Variants in NEO1 observed in about 807,000 individuals in gnomAD.
NEO1 encodes neogenin.
NEO1 carries 63 observed loss-of-function variants against 159.7 expected under a neutral mutation model. The ratio of observed to expected loss-of-function variants is 0.39; its 90% confidence interval spans 0.32 to 0.49. The LOEUF (loss-of-function observed/expected upper bound fraction) is 0.49. Among genes scored for constraint, NEO1 ranks in the 20% least tolerant of loss-of-function variants. NEO1 has a pLI of 0.85. For synonymous variants in NEO1, 633 were observed against 662.0 expected, an observed-to-expected ratio of 0.96 and a Z score of 0.67; for missense variants, 1,615 against 1,831.0, an observed-to-expected ratio of 0.88 and a Z score of 2.15.
At chr15:73,068,061 C>T (rs1252705903) in intron 1 of NEO1, among the ~76,000 whole-genome samples, 2 of 152,098 alleles carry the variant, frequency 1.3e-5, no homozygotes, top group Non-Finnish European at 2.9e-5. Flanking sequence ...GATCTACATT[C>T]CTATATCATT....
Position 73,109,300 on chromosome 15 carries a change from A to T in NEO1, c.131-7240A>T, listed in dbSNP as rs2151563563. On this transcript the variant is annotated intron_variant, in intron 1 of 28. Transcript: ENST00000261908. ...CCAAGCAGTGAGGAATTTTATACAA[A>T]TTCTCTCTCATCTTCACAGAAATTT... Among the ~76,000 whole-genome samples, 2 of 152,300 alleles carry T rather than the reference A, an allele frequency of 1.3e-5. 1 individual carries two copies. Among genetic ancestry groups the T allele is most frequent in the South Asian group, 4.1e-4 (2 of 4,826 alleles).
chr15:73,149,909 G>A (rs2033237107), intron 5 of NEO1, among the ~76,000 whole-genome samples: 1 of 152,034 alleles, frequency 6.6e-6, no homozygotes. Context: ...GTATGTTATT[G>A]TTAATTATAG....
At chr15:73,301,615 C>A in intron 28 of NEO1, 158 bp downstream of exon 28, 1 of 977,848 alleles carries the variant, frequency 1.0e-6, no homozygotes, top group Non-Finnish European at 1.5e-6. Flanking sequence ...TGTTGAGCAT[C>A]TCTTCTGAGC....
At chr15:73,240,802 A>G (rs976905155) in intron 8 of NEO1, among the ~76,000 whole-genome samples, 1 of 152,242 alleles carries the variant, frequency 6.6e-6, no homozygotes, top group Non-Finnish European at 1.5e-5. Context: ...GGAGACCATA[A>G]TAGTTTTTTG....
intron 1 of NEO1, among the ~76,000 whole-genome samples, chr15:73,080,904 GT>G (rs1359031121): frequency 6.6e-6 from 1 of 152,026 alleles, no homozygotes; most frequent in African/African-American, 2.4e-5. Flanking sequence ...TGCAAATAGC[GT>G]TTTCAATAGC....
At chr15:73,242,318 T>C (rs1190264115) in intron 8 of NEO1, among the ~76,000 whole-genome samples, 2 of 152,220 alleles carry the variant, frequency 1.3e-5, no homozygotes, top group African/African-American at 4.8e-5. Context: ...TTATGTTATA[T>C]GTATTATATA....
intron 7 of NEO1, among the ~76,000 whole-genome samples, chr15:73,234,982 A>T (rs745432504): frequency 6.6e-6 from 1 of 152,214 alleles, no homozygotes; most frequent in Non-Finnish European, 1.5e-5. Context: ...TGCTGTAAGG[A>T]TTGAATGATC....
intron 9 of NEO1, among the ~76,000 whole-genome samples, chr15:73,245,038 A>G (rs1426219838): frequency 6.7e-6 from 1 of 148,834 alleles, no homozygotes; most frequent in Non-Finnish European, 1.5e-5. Context: ...CTACGTGTTC[A>G]TATTTTACTG....
Position 73,260,278 on chromosome 15 carries a change from T to C in NEO1, c.2211T>C (p.Arg737=). The C allele has an allele frequency of 6.2e-7, 1 of 1,611,684 alleles. No homozygotes were observed. Among genetic ancestry groups the C allele is most frequent in the African/African-American group, 1.3e-5 (1 of 75,018 alleles). ...ETFESDLDET[R]VPEVPSSLHV... ...TCCACTTTTCCTTCCCAGAAACTCGTGTTCCTGAAGTGCCTAGCTCTCTTC... is the reference window on the plus strand; with the variant it reads ...TCCACTTTTCCTTCCCAGAAACTCGCGTTCCTGAAGTGCCTAGCTCTCTTC... The change falls in exon 15 of 29, where the codon CGT becomes CGC. Residue 737 remains arginine (R), a synonymous_variant. Transcript: ENST00000261908.
chr15:73,118,831 G>C (rs1260666248), intron 2 of NEO1, among the ~76,000 whole-genome samples: 1 of 152,140 alleles, frequency 6.6e-6, no homozygotes, highest in Admixed American at 6.5e-5. Flanking sequence ...ACATTGTCTA[G>C]ATATACATAC....
At chr15:73,130,500 G>A (rs1052288250) in intron 4 of NEO1, among the ~76,000 whole-genome samples, 2 of 152,174 alleles carry the variant, frequency 1.3e-5, no homozygotes, top group Non-Finnish European at 2.9e-5. Flanking sequence ...CTGTTAGACT[G>A]TACTTTCTCC....
chr15:73,130,016 GAC>G lies in NEO1; in HGVS notation c.878+3448_878+3449del, dbSNP rs1459920755. ...GTTAGTTCTTTTTTTTCTTTCTTGA[GAC>G]AGAGTCTCGCTCTGTTACCCAGGCT... On this transcript the variant is annotated intron_variant, in intron 4 of 28. Coordinates refer to ENST00000261908, the MANE Select transcript of NEO1 (RefSeq NM_002499.4). Among the ~76,000 whole-genome samples the G allele has an allele frequency of 3.9e-5, 6 of 152,268 alleles. No individual in the cohort carries two copies. The South Asian group carries it at 1.0e-3, about 26-fold the overall frequency.
intron 8 of NEO1, among the ~76,000 whole-genome samples, chr15:73,240,690 T>C (rs573754109): frequency 1.3e-4 from 20 of 152,320 alleles, no homozygotes; most frequent in Non-Finnish European, 2.5e-4. Context: ...GTAGTAATTA[T>C]GTTAGCCTAG....
chr15:73,124,464 T>A (rs752726401), intron 3 of NEO1, among the ~76,000 whole-genome samples: 1 of 152,190 alleles, frequency 6.6e-6, no homozygotes, highest in Non-Finnish European at 1.5e-5. Flanking sequence ...AGATTTATAA[T>A]CTTAATACCA....
chr15:73,146,644 T>C (rs1227371824), intron 5 of NEO1, among the ~76,000 whole-genome samples: 2 of 152,230 alleles, frequency 1.3e-5, no homozygotes, highest in Admixed American at 1.3e-4. Context: ...TGAACCACAG[T>C]AGCCTCATTT....
chr15:73,183,135 A>G (rs1207516463), intron 7 of NEO1, among the ~76,000 whole-genome samples: 1 of 152,122 alleles, frequency 6.6e-6, no homozygotes, highest in East Asian at 1.9e-4. Flanking sequence ...AGAGGAGGCA[A>G]AAGCAGGAGA....
intron 7 of NEO1, among the ~76,000 whole-genome samples, chr15:73,227,365 G>T (rs978758718): frequency 6.6e-6 from 1 of 152,086 alleles, no homozygotes; most frequent in Admixed American, 6.5e-5. Flanking sequence ...GTATGGTGGC[G>T]CATGCCTATA....
chr15:73,113,514 C>T (rs978579924), intron 1 of NEO1, among the ~76,000 whole-genome samples: 8 of 152,162 alleles, frequency 5.3e-5, no homozygotes, highest in African/African-American at 1.9e-4. Context: ...TTTCAAACTT[C>T]TAGGGAAACA....
chr15:73,070,612 T>A (rs2068484224), intron 1 of NEO1, among the ~76,000 whole-genome samples: 1 of 152,188 alleles, frequency 6.6e-6, no homozygotes, highest in Non-Finnish European at 1.5e-5. Flanking sequence ...CATTCCAAGA[T>A]CCTAGTATAC....
Sources: allele counts gnomAD v4.1 joint callset (sites outside exome capture counted in the v4.1 genomes callset), GRCh38; gene constraint gnomAD v4.1.1; transcripts MANE v1.5; gene names NCBI Gene and HGNC (gene_info 2026-07-23, HGNC 2026-07-21).